Variants in HCRTR2 observed in about 807,000 individuals in gnomAD.
HCRTR2 encodes the protein orexin receptor type 2.
HCRTR2 carries 22 observed loss-of-function variants against 49.0 expected under a neutral mutation model. The observed-to-expected ratio is 0.45, with a 90% confidence interval of 0.32 to 0.64. The LOEUF (loss-of-function observed/expected upper bound fraction) is 0.64. Among genes scored for constraint, HCRTR2 ranks in the 30% least tolerant of loss-of-function variants. The probability of loss-of-function intolerance (pLI) is 0.04; values close to 1 mark genes in which losing one functional copy is unlikely to be tolerated. For missense variants in HCRTR2, 491 were observed against 559.4 expected, an observed-to-expected ratio of 0.88 and a Z score of 1.23; for synonymous variants, 236 against 205.3, an observed-to-expected ratio of 1.15 and a Z score of -1.28.
intron 1 of HCRTR2, among the ~76,000 whole-genome samples, chr6:55,219,129 T>G (rs900761527): frequency 6.6e-6 from 1 of 152,130 alleles, no homozygotes; most frequent in Non-Finnish European, 1.5e-5. Context: ...GACCCAACTT[T>G]CAAAAATTGA....
chr6:55,192,724 C>T (rs1287441813), intron 1 of HCRTR2, among the ~76,000 whole-genome samples: 1 of 152,162 alleles, frequency 6.6e-6, no homozygotes, highest in South Asian at 2.1e-4. Flanking sequence ...ATCCAATGGC[C>T]TTCCTCTTTT....
At chr6:55,200,566 T>A (rs562346773) in intron 1 of HCRTR2, among the ~76,000 whole-genome samples, 2 of 152,336 alleles carry the variant, frequency 1.3e-5, no homozygotes, top group Non-Finnish European at 2.9e-5. Flanking sequence ...AGTCTATCAA[T>A]TGCTTCATAA....
At chr6:55,137,725 C>A (rs559189281) in intron 1 of HCRTR2, among the ~76,000 whole-genome samples, 1 of 152,254 alleles carries the variant, frequency 6.6e-6, no homozygotes, top group South Asian at 2.1e-4. Context: ...GAGCCTCAGG[C>A]TGGCCAACTA....
intron 1 of HCRTR2, among the ~76,000 whole-genome samples, chr6:55,142,998 A>T (rs907162582): frequency 1.5e-5 from 2 of 134,928 alleles, no homozygotes; most frequent in Non-Finnish European, 3.4e-5. Flanking sequence ...GATGATAGAT[A>T]GATAGATAGA....
chr6:55,246,225 T>C (rs1344221991), intron 1 of HCRTR2, among the ~76,000 whole-genome samples: 1 of 152,114 alleles, frequency 6.6e-6, no homozygotes, highest in East Asian at 1.9e-4. Flanking sequence ...AAGTTTGTAT[T>C]GTTTTAAGAC....
intron 1 of HCRTR2, among the ~76,000 whole-genome samples, chr6:55,197,292 C>A (rs564475086): frequency 1.3e-5 from 2 of 152,178 alleles, no homozygotes; most frequent in South Asian, 2.1e-4. Context: ...AATCTAAACA[C>A]CAACCCACCC....
In HCRTR2 at chr6:55,253,721, T is replaced by C. The variant is rs144672544; in HGVS notation, c.403-1415T>C. Among the ~76,000 whole-genome samples the C allele has an allele frequency of 6.6e-3, 1,011 of 152,256 alleles. 11 individuals are homozygous for C. Among genetic ancestry groups the C allele is most frequent in the African/African-American group, 0.022 (912 of 41,554 alleles). ...CATAAAAAAGAATGAGATCATGTCCTTTGCAGCAACATGAAAGGTGCTGGA... is the reference window on the plus strand; with the variant it reads ...CATAAAAAAGAATGAGATCATGTCCCTTGCAGCAACATGAAAGGTGCTGGA... On this transcript the variant is annotated intron_variant, in intron 2 of 6. Transcript: ENST00000370862.
chr6:55,183,167 G>T (rs1765162001), intron 1 of HCRTR2, among the ~76,000 whole-genome samples: 1 of 152,112 alleles, frequency 6.6e-6, no homozygotes, highest in African/African-American at 2.4e-5. Context: ...AAAATAACGT[G>T]GTAAGTGCTA....
At chr6:55,144,797 T>A (rs1373733198) in intron 1 of HCRTR2, among the ~76,000 whole-genome samples, 1 of 151,696 alleles carries the variant, frequency 6.6e-6, no homozygotes, top group African/African-American at 2.4e-5. Flanking sequence ...AAAGACTACC[T>A]GTGTGCATTA....
intron 5 of HCRTR2, among the ~76,000 whole-genome samples, chr6:55,278,031 T>A (rs1223305952): frequency 6.6e-6 from 1 of 152,190 alleles, no homozygotes; most frequent in Admixed American, 6.5e-5. Flanking sequence ...AACCTTATGT[T>A]AGTATTCTAA....
downstream of HCRTR2, chr6:55,282,741 T>C (rs1008676180): frequency 1.1e-5 from 4 of 376,192 alleles, no homozygotes; most frequent in Admixed American, 1.3e-4. Context: ...ACATTTCTAA[T>C]TCTTTTTATA....
intron 1 of HCRTR2, among the ~76,000 whole-genome samples, chr6:55,237,285 G>A (rs1219297554): frequency 6.6e-6 from 1 of 151,986 alleles, no homozygotes; most frequent in Non-Finnish European, 1.5e-5. Flanking sequence ...TTCTTTCACA[G>A]AGAATTTGCT....
intron 2 of HCRTR2, among the ~76,000 whole-genome samples, chr6:55,253,350 G>T (rs1382306734): frequency 1.3e-5 from 2 of 152,074 alleles, no homozygotes; most frequent in African/African-American, 4.8e-5. Context: ...CTGCACTGTT[G>T]CACTGGATCT....
At chr6:55,231,508 T>C (rs1233517322) in intron 1 of HCRTR2, among the ~76,000 whole-genome samples, 1 of 151,112 alleles carries the variant, frequency 6.6e-6, no homozygotes, top group Non-Finnish European at 1.5e-5. Context: ...TGGAAAGTAC[T>C]TGCATTTTTT....
chr6:55,117,783 C>CAAAAAAAA (rs34425786), intron 1 of HCRTR2, among the ~76,000 whole-genome samples: 11 of 78,296 alleles, frequency 1.4e-4, no homozygotes, highest in East Asian at 1.2e-3. Flanking sequence ...GATAAAGTCT[C>CAAAAAAAA]AAAAAAAAAA....
At chr6:55,271,391 C>T (rs1443240275) in intron 4 of HCRTR2, among the ~76,000 whole-genome samples, 1 of 152,060 alleles carries the variant, frequency 6.6e-6, no homozygotes, top group African/African-American at 2.4e-5. Context: ...CAAAACTTAA[C>T]TCAAAATGAA....
intron 1 of HCRTR2, among the ~76,000 whole-genome samples, chr6:55,154,567 C>T (rs12214348): frequency 0.29 from 44,191 of 151,506 alleles, 7,022 homozygotes; most frequent in Middle Eastern, 0.47. Flanking sequence ...CAAACTTTGA[C>T]GTTGTTGAGA....
At position 55,263,810 on chromosome 6, in the gene HCRTR2, C is replaced by G; in HGVS notation, c.750C>G (p.Leu250=). 1 of 1,597,104 alleles carries G rather than the reference C, an allele frequency of 6.3e-7. No individual in the cohort carries two copies. Among genetic ancestry groups the G allele is most frequent in the South Asian group, 1.1e-5 (1 of 90,682 alleles). Residue 250 remains leucine (L), a synonymous_variant, in exon 4 of 7, where the codon CTC becomes CTG. Transcript: ENST00000370862. ...VLAYLQIFRK[L]WCRQIPGTSS... ...CTTATCTGCAAATATTTCGCAAACT[C>G]TGGTGTCGACAGGTATATAGTTTCA...
intron 1 of HCRTR2, among the ~76,000 whole-genome samples, chr6:55,239,164 T>C (rs756231429): frequency 1.3e-5 from 2 of 152,222 alleles, no homozygotes; most frequent in Non-Finnish European, 2.9e-5. Context: ...GGTATAGTCA[T>C]TAATAGAACT....
Sources: gnomAD v4.1 joint callset for allele counts (sites outside exome capture counted in the v4.1 genomes callset) on GRCh38, gnomAD v4.1.1 for gene constraint, MANE v1.5 for transcripts, NCBI Gene and HGNC (gene_info 2026-07-23, HGNC 2026-07-21) for gene names.